Variants in ATP8A2 observed in about 807,000 individuals in gnomAD.
ATP8A2 encodes the protein phospholipid-transporting ATPase IB.
A neutral mutation model predicts 165.6 loss-of-function variants in ATP8A2; 100 were observed. That is an observed-to-expected ratio of 0.60 (90% CI 0.51 to 0.71). The LOEUF (loss-of-function observed/expected upper bound fraction) is 0.71, where lower values mean the gene tolerates loss of function less well. Among genes scored for constraint, ATP8A2 ranks in the 30% least tolerant of loss-of-function variants. The pLI is 0.00. For missense variants in ATP8A2, 1,227 were observed against 1,479.5 expected (o/e 0.83, Z 2.80); for synonymous variants, 543 against 548.8 (o/e 0.99, Z 0.15).
chr13:25,797,243 G>A (rs990113196), intron 27 of ATP8A2, among the ~76,000 whole-genome samples: 10 of 152,182 alleles, frequency 6.6e-5, no homozygotes, highest in African/African-American at 1.4e-4. Flanking sequence ...ACTCCAGCCC[G>A]GGTGACAAGA....
chr13:25,378,345 A>G (rs949236016), intron 1 of ATP8A2, among the ~76,000 whole-genome samples: 1 of 120,402 alleles, frequency 8.3e-6, no homozygotes, highest in African/African-American at 3.9e-5. Flanking sequence ...TTTTTTCCAG[A>G]GTTTTGCATT....
rs537163434 is a variant in ATP8A2 at position 26,023,980 on chromosome 13, C to A, written c.*3995C>A. 186 of 152,316 alleles carry A rather than the reference C, an allele frequency of 1.2e-3. 1 individual carries two copies. Among genetic ancestry groups the A allele is most frequent in the African/African-American group, 4.4e-3 (182 of 41,568 alleles). 9.4% of individuals were successfully genotyped at this position (152,316 alleles called of 1,614,324 possible). On this transcript the variant is annotated 3_prime_UTR_variant, in exon 37 of 37. Transcript: ENST00000381655. ...AGTCAAAACATGGCATCCCCTGTTA[C>A]ACTCAAGAAATGTTTTCTTCATGTA...
In ATP8A2 at chr13:25,953,996, A is replaced by G. The variant is rs886357113; in HGVS notation, c.3184-7579A>G. ...ATACCCCAGTGGCACCTGGAATGCCAGCAAGACAGAACCGTTCACTTCCCT... is the reference window on the plus strand; with the variant it reads ...ATACCCCAGTGGCACCTGGAATGCCGGCAAGACAGAACCGTTCACTTCCCT... On this transcript the variant is annotated intron_variant, in intron 33 of 36. Coordinates refer to ENST00000381655, the MANE Select transcript of ATP8A2 (RefSeq NM_016529.6). The surrounding 1 kb of genome is among the most constrained non-coding windows in gnomAD (Gnocchi z 6.7). 1.2e-4 allele frequency among the ~76,000 whole-genome samples: 18 copies of G among 151,930 alleles called. No homozygotes were observed. Among genetic ancestry groups the G allele is most frequent in the Non-Finnish European group, 2.4e-4 (16 of 67,954 alleles).
At chr13:25,496,407 G>A (rs900489410) in intron 2 of ATP8A2, among the ~76,000 whole-genome samples, 1 of 152,088 alleles carries the variant, frequency 6.6e-6, no homozygotes. Context: ...CATTGAAGAG[G>A]AGAGAATACT....
intron 1 of ATP8A2, among the ~76,000 whole-genome samples, chr13:25,426,212 GCATGGT>G (rs2034445370): frequency 6.6e-6 from 1 of 152,198 alleles, no homozygotes. Flanking sequence ...AGTACTAGAA[GCATGGT>G]GCCCGCATCT....
At chr13:25,820,314 A>G (rs1340775579) in intron 27 of ATP8A2, among the ~76,000 whole-genome samples, 1 of 152,190 alleles carries the variant, frequency 6.6e-6, no homozygotes, top group Non-Finnish European at 1.5e-5. Context: ...TGAGGACCAA[A>G]AACCCCAGGA....
chr13:25,748,225 A>C (rs1392542165), intron 25 of ATP8A2, among the ~76,000 whole-genome samples: 1 of 152,222 alleles, frequency 6.6e-6, no homozygotes, highest in African/African-American at 2.4e-5. Context: ...TTTTTCGATG[A>C]AAGGAGATGA....
chr13:25,374,252 A>G lies in ATP8A2; in HGVS notation c.76+1964A>G, dbSNP rs1428088366. On this transcript the variant is annotated intron_variant, in intron 1 of 36. Transcript: ENST00000381655. Reference sequence around the variant, plus strand: ...CCTGTGCCCAGTGCTGCTGAGCTCAATAAAGATGAGGCTGGAGAACTGTCA... The same window carrying G: ...CCTGTGCCCAGTGCTGCTGAGCTCAGTAAAGATGAGGCTGGAGAACTGTCA... Among the ~76,000 whole-genome samples the G allele has an allele frequency of 7.2e-5, 11 of 152,330 alleles. 1 individual carries two copies. The East Asian group carries it at 1.4e-3, about 19-fold the overall frequency.
At chr13:25,830,152 G>A (rs1189655393) in intron 28 of ATP8A2, among the ~76,000 whole-genome samples, 1 of 151,718 alleles carries the variant, frequency 6.6e-6, no homozygotes, top group Non-Finnish European at 1.5e-5. Flanking sequence ...GGGACCATGG[G>A]CAAATGCCAC....
chr13:25,964,238 G>C (rs1014496866), intron 34 of ATP8A2, among the ~76,000 whole-genome samples: 2 of 152,210 alleles, frequency 1.3e-5, no homozygotes, highest in African/African-American at 4.8e-5. Context: ...AGGGAAAATA[G>C]CATATATTGG....
At chr13:25,857,560 C>CT (rs869280166) in intron 30 of ATP8A2, among the ~76,000 whole-genome samples, 3 of 132,096 alleles carry the variant, frequency 2.3e-5, no homozygotes, top group Non-Finnish European at 3.2e-5. Context: ...CTTTTCTTTT[C>CT]TTTTTTTTCC....
intron 1 of ATP8A2, among the ~76,000 whole-genome samples, chr13:25,381,993 C>T (rs1457135043): frequency 6.6e-6 from 1 of 152,188 alleles, no homozygotes; most frequent in African/African-American, 2.4e-5. Context: ...TGTGTCACAC[C>T]GTGACAATGT....
rs190542357 is a variant in ATP8A2 at position 25,488,072 on chromosome 13, G to A, written c.221+18951G>A. Among the ~76,000 whole-genome samples the A allele has an allele frequency of 1.2e-4, 19 of 152,276 alleles. No individual in the cohort carries two copies. In the East Asian group the frequency reaches 3.5e-3, roughly 28 times the overall value. ...GAGATTTCAGATGCAAAAATGCCTA[G>A]GACACAGTACAGTGGCCGTGGATAT... On this transcript the variant is annotated intron_variant, in intron 2 of 36. Coordinates refer to ENST00000381655, the MANE Select transcript of ATP8A2 (RefSeq NM_016529.6).
chr13:25,939,368 A>T (rs1240546524), intron 33 of ATP8A2, among the ~76,000 whole-genome samples: 1 of 152,126 alleles, frequency 6.6e-6, no homozygotes, highest in East Asian at 1.9e-4. Flanking sequence ...AACATTTTTT[A>T]GTCAACTTAC....
chr13:25,756,038 C>T (rs535352774), intron 25 of ATP8A2, among the ~76,000 whole-genome samples: 33 of 152,304 alleles, frequency 2.2e-4, no homozygotes, highest in Non-Finnish European at 4.1e-4. Flanking sequence ...GTCCTGAAGA[C>T]CTTGAGAGGC....
At chr13:25,616,326 CTT>C (rs535891442) in intron 24 of ATP8A2, among the ~76,000 whole-genome samples, 5,931 of 106,228 alleles carry the variant, frequency 0.056, 171 homozygotes, top group African/African-American at 0.17. Context: ...TTCTTTCTTT[CTT>C]TTTTTTTTTT....
chr13:25,504,233 A>T (rs2036950292), intron 2 of ATP8A2, among the ~76,000 whole-genome samples: 1 of 152,222 alleles, frequency 6.6e-6, no homozygotes, highest in African/African-American at 2.4e-5. Context: ...TGGTATGAGG[A>T]TTAGATATTA....
intron 2 of ATP8A2, among the ~76,000 whole-genome samples, chr13:25,515,475 C>A (rs904782849): frequency 5.9e-5 from 9 of 152,246 alleles, no homozygotes; most frequent in African/African-American, 2.2e-4. Context: ...TAGGCGGCAG[C>A]CCCTCTTGTG....
chr13:25,376,612 C>T (rs763217600), intron 1 of ATP8A2, among the ~76,000 whole-genome samples: 7 of 152,174 alleles, frequency 4.6e-5, no homozygotes, highest in Non-Finnish European at 1.0e-4. Context: ...TGGGTATGTG[C>T]ATATAAGTGC....
Sources: allele counts gnomAD v4.1 joint callset (sites outside exome capture counted in the v4.1 genomes callset), GRCh38; gene constraint gnomAD v4.1.1; non-coding constraint Gnocchi (gnomAD v3.1); transcripts MANE v1.5; gene names NCBI Gene and HGNC (gene_info 2026-07-23, HGNC 2026-07-21).